Variants in STK32A observed in about 807,000 individuals in gnomAD.
STK32A encodes the protein serine/threonine kinase 32A.
Under a neutral mutation model 53.2 loss-of-function variants are expected in STK32A, and 41 were observed. The ratio of observed to expected loss-of-function variants is 0.77; its 90% CI spans 0.60 to 1.00. The LOEUF (loss-of-function observed/expected upper bound fraction) is 1.00. Among genes scored for constraint, STK32A ranks in the 50% least tolerant of loss-of-function variants. The pLI is 0.00. For missense variants in STK32A, 458 were observed against 485.8 expected (o/e 0.94, Z 0.54); for synonymous variants, 166 against 162.8 (o/e 1.02, Z -0.15).
chr5:147,387,961 A>G (rs2152011032), downstream of STK32A: 1 of 152,284 alleles, frequency 6.6e-6, no homozygotes, highest in Middle Eastern at 3.4e-3. Flanking sequence ...TCTTATGTCT[A>G]TTTCCTATTG....
intron 4 of STK32A, among the ~76,000 whole-genome samples, chr5:147,286,735 A>G (rs1752362557): frequency 6.6e-6 from 1 of 152,170 alleles, no homozygotes; most frequent in Admixed American, 6.6e-5. Flanking sequence ...TAGTGAAAGA[A>G]CATTTTTCTT....
intron 8 of STK32A, among the ~76,000 whole-genome samples, chr5:147,368,407 A>G (rs1025249422): frequency 2.0e-5 from 3 of 152,122 alleles, no homozygotes; most frequent in Admixed American, 2.0e-4. Flanking sequence ...CTGTGACTGC[A>G]TACTGTAATT....
downstream of STK32A, among the ~76,000 whole-genome samples, chr5:147,389,453 G>C (rs1468680801): frequency 4.6e-5 from 7 of 152,182 alleles, no homozygotes; most frequent in Admixed American, 4.6e-4. Context: ...CTAGGTCAAT[G>C]ATGAGTACAT....
chr5:147,387,896 G>A (rs1219064547), downstream of STK32A: 1 of 152,216 alleles, frequency 6.6e-6, no homozygotes, highest in African/African-American at 2.4e-5. Flanking sequence ...GTGTATGTGT[G>A]TGTGTGTAAT....
At chr5:147,345,146 C>T (rs797020367) in intron 6 of STK32A, among the ~76,000 whole-genome samples, 4 of 152,328 alleles carry the variant, frequency 2.6e-5, no homozygotes, top group African/African-American at 9.6e-5. Flanking sequence ...AAACACACTT[C>T]ACTCATTTCC....
intron 4 of STK32A, among the ~76,000 whole-genome samples, chr5:147,311,778 T>C (rs888174605): frequency 4.6e-5 from 7 of 152,262 alleles, no homozygotes; most frequent in Admixed American, 1.3e-4. Flanking sequence ...TTTTTAAGAC[T>C]GGGTCTCACT....
chr5:147,400,642 C>T, the STK32A span: 1 of 1,599,836 alleles, frequency 6.3e-7, no homozygotes, highest in Non-Finnish European at 8.5e-7. Flanking sequence ...TCTGATCTGG[C>T]CCATGGATGT....
intron 5 of STK32A, among the ~76,000 whole-genome samples, chr5:147,328,266 C>T (rs1030234286): frequency 2.0e-5 from 3 of 152,136 alleles, no homozygotes; most frequent in African/African-American, 7.2e-5. Context: ...TTCACTTCAG[C>T]TTTTCTGCCA....
chr5:147,342,749 T>A (rs1211460102), intron 5 of STK32A: 1 of 453,320 alleles, frequency 2.2e-6, no homozygotes, highest in East Asian at 3.4e-5. Flanking sequence ...AGTTTTTGAA[T>A]GAGAGAGGCC....
At chr5:147,271,315 C>T (rs1438665626) in intron 2 of STK32A, among the ~76,000 whole-genome samples, 1 of 152,104 alleles carries the variant, frequency 6.6e-6, no homozygotes, top group Non-Finnish European at 1.5e-5. Flanking sequence ...ATTTCCTATG[C>T]CTGTCTTTAC....
chr5:147,354,543 G>A (rs1756131854), intron 7 of STK32A, among the ~76,000 whole-genome samples: 1 of 152,176 alleles, frequency 6.6e-6, no homozygotes, highest in Non-Finnish European at 1.5e-5. Flanking sequence ...TTTTACCCTT[G>A]TAATTAACAA....
At chr5:147,282,079 A>T (rs960471364) in intron 4 of STK32A, among the ~76,000 whole-genome samples, 2 of 152,202 alleles carry the variant, frequency 1.3e-5, no homozygotes, top group African/African-American at 4.8e-5. Context: ...TTACCAAGTC[A>T]CCACTACAAG....
chr5:147,339,625 A>T (rs978692056), intron 5 of STK32A, among the ~76,000 whole-genome samples: 2 of 152,224 alleles, frequency 1.3e-5, no homozygotes, highest in African/African-American at 4.8e-5. Flanking sequence ...GAACGCAGCC[A>T]GGAAGGGGGC....
At chr5:147,326,498 T>C (rs1372068395) in intron 5 of STK32A, among the ~76,000 whole-genome samples, 1 of 152,228 alleles carries the variant, frequency 6.6e-6, no homozygotes, top group African/African-American at 2.4e-5. Context: ...TACCCTTTTG[T>C]ACCTCTCCTG....
the STK32A span, chr5:147,397,885 G>GAAAGAGT: frequency 1.7e-6 from 1 of 580,706 alleles, no homozygotes; most frequent in South Asian, 3.7e-5. Flanking sequence ...AGTAAGGGTA[G>GAAAGAGT]AGAAAGAGGA....
At chr5:147,348,053 G>T (rs981048647) in intron 6 of STK32A, among the ~76,000 whole-genome samples, 1 of 152,152 alleles carries the variant, frequency 6.6e-6, no homozygotes, top group Non-Finnish European at 1.5e-5. Flanking sequence ...TTGTGATACA[G>T]CACACAAAGT....
At chr5:147,350,264 T>C (rs1216492199) in intron 6 of STK32A, among the ~76,000 whole-genome samples, 1 of 150,322 alleles carries the variant, frequency 6.7e-6, no homozygotes, top group African/African-American at 2.4e-5. Flanking sequence ...AAAAATATTT[T>C]AGAAAAACTT....
At chr5:147,339,940 T>C (rs1755323677) in intron 5 of STK32A, among the ~76,000 whole-genome samples, 1 of 152,166 alleles carries the variant, frequency 6.6e-6, no homozygotes, top group Admixed American at 6.5e-5. Context: ...AGATGAGACA[T>C]TGGACTGTGG....
Position 147,261,318 on chromosome 5 carries a change from G to A in STK32A, c.53-16806G>A, listed in dbSNP as rs561228950. ...GGTGCGCCCTTACAGATGGAACAAT[G>A]GTAAGCGCACACTTGGACAAGGGAG... On this transcript the variant is annotated intron_variant, in intron 2 of 12. Transcript: ENST00000397936. Among the ~76,000 whole-genome samples, 4 of 152,354 alleles carry A rather than the reference G, an allele frequency of 2.6e-5. No individual in the cohort carries two copies. The South Asian group carries it at 8.3e-4, about 32-fold the overall frequency.
Sources: gnomAD v4.1 joint callset for allele counts (sites outside exome capture counted in the v4.1 genomes callset) on GRCh38, gnomAD v4.1.1 for gene constraint, MANE v1.5 for transcripts, NCBI Gene and HGNC (gene_info 2026-07-23, HGNC 2026-07-21) for gene names.